Variants in MAPK4 observed in about 807,000 individuals in gnomAD.
The protein encoded by MAPK4 is Erk3-related.
Under a neutral mutation model 47.7 loss-of-function variants are expected in MAPK4, and 22 were observed. The ratio of observed to expected loss-of-function variants is 0.46; its 90% CI spans 0.33 to 0.66. The LOEUF is 0.66. Among genes scored for constraint, MAPK4 ranks in the 30% least tolerant of loss-of-function variants. The probability of loss-of-function intolerance (pLI) is 0.02; values close to 1 mark genes in which losing one functional copy is unlikely to be tolerated. For synonymous variants in MAPK4, 390 were observed against 365.7 expected (o/e 1.07, Z -0.76); for missense variants, 736 against 831.7 (o/e 0.88, Z 1.42).
chr18:50,728,244 G>A (rs1467067320), intron 5 of MAPK4, among the ~76,000 whole-genome samples: 1 of 152,236 alleles, frequency 6.6e-6, no homozygotes, highest in Non-Finnish European at 1.5e-5. Context: ...GCACAAGGAA[G>A]GGAGGGCTCC....
intron 4 of MAPK4, among the ~76,000 whole-genome samples, chr18:50,725,582 C>G (rs1911147374): frequency 6.6e-6 from 1 of 152,202 alleles, no homozygotes; most frequent in African/African-American, 2.4e-5. Flanking sequence ...CAGGAGTAAC[C>G]TGTCATGAGT....
intron 2 of MAPK4, among the ~76,000 whole-genome samples, chr18:50,687,378 C>T (rs917878437): frequency 1.3e-5 from 2 of 152,206 alleles, no homozygotes; most frequent in African/African-American, 4.8e-5. Context: ...AAGCCAGTAG[C>T]TCCACCCCTC....
At chr18:50,611,126 G>A (rs1271782857) in intron 1 of MAPK4, among the ~76,000 whole-genome samples, 3 of 152,186 alleles carry the variant, frequency 2.0e-5, no homozygotes, top group Non-Finnish European at 4.4e-5. Context: ...CAAAGAGCAG[G>A]TTCTCGCTTA....
At chr18:50,635,428 C>T (rs2042876651) in intron 1 of MAPK4, among the ~76,000 whole-genome samples, 1 of 152,144 alleles carries the variant, frequency 6.6e-6, no homozygotes, top group Non-Finnish European at 1.5e-5. Flanking sequence ...CAGCACCACC[C>T]AAATACTATC....
At chr18:50,687,898 T>C (rs1417610075) in intron 2 of MAPK4, among the ~76,000 whole-genome samples, 2 of 152,074 alleles carry the variant, frequency 1.3e-5, no homozygotes, top group Non-Finnish European at 2.9e-5. Context: ...AGGTGTCTCC[T>C]GGGTCCTAGG....
chr18:50,644,181 G>C (rs966282603), intron 1 of MAPK4, among the ~76,000 whole-genome samples: 21 of 152,060 alleles, frequency 1.4e-4, no homozygotes, highest in African/African-American at 4.3e-4. Context: ...GAGAGGGAAG[G>C]GGGGAACAAC....
rs141566163 is a variant in MAPK4, at chr18:50,703,925, T to C, written c.547-11154T>C. Among the ~76,000 whole-genome samples the C allele has an allele frequency of 7.9e-5, 12 of 152,330 alleles. No homozygotes were observed. The East Asian group carries it at 2.3e-3, about 29-fold the overall frequency. On this transcript the variant is annotated intron_variant, in intron 2 of 5. Coordinates refer to ENST00000400384, the MANE Select transcript of MAPK4 (RefSeq NM_002747.4). ...ACAGCAAGTCTGTAGGTGAGACTCC[T>C]GCACCCAGACAGGCAGGTGGTCAAG...
At chr18:50,605,485 AG>A (rs1370750065) in intron 1 of MAPK4, among the ~76,000 whole-genome samples, 6 of 152,218 alleles carry the variant, frequency 3.9e-5, no homozygotes, top group Middle Eastern at 3.2e-3. Context: ...ACCAGTCAGC[AG>A]TGGAAGCTGC....
chr18:50,587,798 G>A (rs9945243), intron 1 of MAPK4, among the ~76,000 whole-genome samples: 6,172 of 152,146 alleles, frequency 0.041, 452 homozygotes, highest in African/African-American at 0.14. Context: ...GCGCGATCTC[G>A]GCTCATTGCA....
chr18:50,718,138 G>T (rs1375668630), intron 3 of MAPK4, among the ~76,000 whole-genome samples: 1 of 152,200 alleles, frequency 6.6e-6, no homozygotes, highest in Non-Finnish European at 1.5e-5. Flanking sequence ...GCCCAGAGAA[G>T]AAGAAATGGC....
chr18:50,691,251 C>T (rs1909201725), intron 2 of MAPK4, among the ~76,000 whole-genome samples: 1 of 152,042 alleles, frequency 6.6e-6, no homozygotes, highest in Non-Finnish European at 1.5e-5. Flanking sequence ...GCCTTGGCCT[C>T]CCAGAGTGCT....
At chr18:50,618,488 A>T (rs189741211) in intron 1 of MAPK4, among the ~76,000 whole-genome samples, 2 of 152,308 alleles carry the variant, frequency 1.3e-5, no homozygotes, top group East Asian at 3.9e-4. Context: ...TTTAAAAAAC[A>T]GTTCCACCGT....
chr18:50,668,260 G>A (rs1907720860), intron 2 of MAPK4, among the ~76,000 whole-genome samples: 1 of 152,200 alleles, frequency 6.6e-6, no homozygotes, highest in Non-Finnish European at 1.5e-5. Context: ...GCACATGGAT[G>A]AATTCTTATT....
intron 1 of MAPK4, among the ~76,000 whole-genome samples, chr18:50,648,438 G>A (rs1001581278): frequency 6.6e-6 from 1 of 152,096 alleles, no homozygotes; most frequent in Non-Finnish European, 1.5e-5. Context: ...GCAGTGGAGA[G>A]CTATTCAAAA....
intron 1 of MAPK4, among the ~76,000 whole-genome samples, chr18:50,588,124 T>G (rs1555645887): frequency 1.3e-5 from 2 of 152,198 alleles, no homozygotes; most frequent in Admixed American, 1.3e-4. Flanking sequence ...CCCCAAAACT[T>G]GTGCCTTAAA....
intron 3 of MAPK4, 96 bp downstream of exon 3, chr18:50,715,319 A>G: frequency 7.2e-7 from 1 of 1,393,376 alleles, no homozygotes; most frequent in Non-Finnish European, 9.6e-7. Flanking sequence ...AAACATGCTC[A>G]TCTTTTGCTG....
chr18:50,622,345 A>G (rs1018979161), intron 1 of MAPK4, among the ~76,000 whole-genome samples: 1 of 152,220 alleles, frequency 6.6e-6, no homozygotes. Flanking sequence ...GCTGGGCTGC[A>G]GGCACAGTGT....
intron 2 of MAPK4, among the ~76,000 whole-genome samples, chr18:50,673,532 C>T (rs1177218743): frequency 1.3e-5 from 2 of 152,130 alleles, no homozygotes; most frequent in African/African-American, 2.4e-5. Context: ...TTTTTATTCT[C>T]ATGTTTAAAG....
Position 50,677,737 on chromosome 18 carries a change from T to C in MAPK4, c.546+13233T>C, listed in dbSNP as rs1341746763. 2.0e-5 allele frequency among the ~76,000 whole-genome samples: 3 copies of C among 152,248 alleles called. No homozygotes were observed. In the East Asian group the frequency reaches 5.8e-4, roughly 29 times the overall value. On this transcript the variant is annotated intron_variant, in intron 2 of 5. Coordinates refer to ENST00000400384, the MANE Select transcript of MAPK4 (RefSeq NM_002747.4). Reference sequence around the variant, plus strand: ...ATTTTTTATTTTATTTTATTTTTAGTAGAGACAAGGTCTCGCTATGTTGCT... The same window carrying C: ...ATTTTTTATTTTATTTTATTTTTAGCAGAGACAAGGTCTCGCTATGTTGCT...
Sources: gnomAD v4.1 joint callset for allele counts (sites outside exome capture counted in the v4.1 genomes callset) on GRCh38, gnomAD v4.1.1 for gene constraint, MANE v1.5 for transcripts, NCBI Gene and HGNC (gene_info 2026-07-23, HGNC 2026-07-21) for gene names.